ZNF766: variants seen among roughly 807,000 people sequenced by gnomAD.
The protein encoded by ZNF766 is zinc finger protein 766.
ZNF766 carries 13 observed loss-of-function variants against 13.2 expected under a neutral mutation model. The ratio of observed to expected loss-of-function variants is 0.98; its 90% CI spans 0.64 to 1.56. The LOEUF is 1.56. Among genes scored for constraint, ZNF766 ranks in the 40% most tolerant of loss-of-function variants. ZNF766 has a pLI of 0.00. For synonymous variants in ZNF766, 178 were observed against 187.6 expected (o/e 0.95, Z 0.42); for missense variants, 521 against 552.2 (o/e 0.94, Z 0.57).
rs1364934342 is a variant in ZNF766 at position 52,295,857 on chromosome 19, T to A, written c.*4659T>A. 2 of 152,206 alleles carry A rather than the reference T, an allele frequency of 1.3e-5. No homozygotes were observed. Among genetic ancestry groups the A allele is most frequent in the Admixed American group, 6.5e-5 (1 of 15,292 alleles). The allele number at this position is 152,206 out of a possible 1,614,324, so 9.4% of individuals were successfully genotyped here. On this transcript the variant is annotated 3_prime_UTR_variant, in exon 4 of 4. Transcript: ENST00000439461. ...CTTTTTTTTCAGATGTTTGAGCTAT[T>A]CCAGGTTTTTTGGGATTTCTGTTGG...
At chr19:52,276,327 A>G (rs1042050070) in intron 1 of ZNF766, among the ~76,000 whole-genome samples, 1 of 152,166 alleles carries the variant, frequency 6.6e-6, no homozygotes, top group Admixed American at 6.5e-5. Context: ...TGCTTGTTAT[A>G]CTGGGTTGTT....
chr19:52,273,142 G>C (rs543698933), intron 1 of ZNF766, among the ~76,000 whole-genome samples: 2 of 152,136 alleles, frequency 1.3e-5, no homozygotes, highest in East Asian at 3.9e-4. Context: ...CCAAGTAGCT[G>C]GGACTACAGG....
At chr19:52,283,561 C>G in intron 3 of ZNF766, 148 bp downstream of exon 3, 2 of 1,086,682 alleles carry the variant, frequency 1.8e-6, no homozygotes, top group South Asian at 3.8e-5. Context: ...CTTTGGCCTC[C>G]CAAAGTGATG....
rs1180829001 is a variant in ZNF766 at position 52,293,027 on chromosome 19, C to A, written c.*1829C>A. On this transcript the variant is annotated 3_prime_UTR_variant, in exon 4 of 4. Coordinates refer to ENST00000439461, the MANE Select transcript of ZNF766 (RefSeq NM_001010851.3). ...TACCCGCCTTGTGTCCAGGTGTTCT[C>A]ATTGATCAATTCCCACCTATGAGTG... 6.6e-6 allele frequency: 1 copy of A among 152,068 alleles called. No individual in the cohort carries two copies. Among genetic ancestry groups the A allele is most frequent in the African/African-American group, 2.4e-5 (1 of 41,378 alleles). The allele number at this position is 152,068 out of a possible 1,614,324, so 9.4% of individuals were successfully genotyped here.
intron 1 of ZNF766, chr19:52,277,181 C>G: frequency 6.1e-6 from 7 of 1,145,382 alleles, no homozygotes; most frequent in Non-Finnish European, 6.5e-6. Flanking sequence ...TCATGTTGGC[C>G]GGGCGCGGGG....
At chr19:52,272,908 T>A (rs111781294) in intron 1 of ZNF766, among the ~76,000 whole-genome samples, 6,407 of 152,276 alleles carry the variant, frequency 0.042, 183 homozygotes, top group Non-Finnish European at 0.054. Context: ...TGCATTCCCC[T>A]GCAGTCCTGC....
At chr19:52,283,807 A>C (rs955550300) in intron 3 of ZNF766, among the ~76,000 whole-genome samples, 1 of 152,150 alleles carries the variant, frequency 6.6e-6, no homozygotes, top group Non-Finnish European at 1.5e-5. Flanking sequence ...GCGTGATCTC[A>C]GCTCACTGCA....
chr19:52,280,886 G>A (rs1445537720), intron 1 of ZNF766, among the ~76,000 whole-genome samples: 1 of 150,324 alleles, frequency 6.7e-6, no homozygotes, highest in African/African-American at 2.4e-5. Context: ...GGCCGTGCGT[G>A]ATGGCTCACG....
At position 52,291,135 on chromosome 19, in the gene ZNF766, T is replaced by C. The variant is rs1442331554; in HGVS notation, c.1344T>C (p.Phe448=). The stretch of plus-strand genomic sequence containing the variant: ...AATGCCATGTGTGTGGTAAGGTCTT[T>C]AGGCACAGTTCATGGTTTGTACAGC... ...PYKCHVCGKV[F]RHSSWFVQHQ... is the part of the protein sequence containing the mutation. The change falls in exon 4 of 4, where the codon TTT becomes TTC. Residue 448 remains phenylalanine, a synonymous_variant. Transcript: ENST00000439461. 3.1e-6 allele frequency: 5 copies of C among 1,613,050 alleles called. No homozygotes were observed. Among genetic ancestry groups the C allele is most frequent in the East Asian group, 2.2e-5 (1 of 44,878 alleles).
At chr19:52,269,775 T>C (rs1373456354) in intron 1 of ZNF766, 144 bp downstream of exon 1, 1 of 1,152,982 alleles carries the variant, frequency 8.7e-7, no homozygotes, top group Non-Finnish European at 1.2e-6. Flanking sequence ...CGTCAGAGTG[T>C]TAAAATCGCC....
intron 1 of ZNF766, chr19:52,281,652 T>G (rs41497444): frequency 0.08 from 31,084 of 386,884 alleles, 1,874 homozygotes; most frequent in East Asian, 0.22. Context: ...GTCCATGAAC[T>G]TAACTTTACT....
At position 52,290,371 on chromosome 19, in the gene ZNF766, A is replaced by G. The variant is rs1278454913; in HGVS notation, c.580A>G (p.Lys194Glu). The part of the protein sequence containing the change: ...RKPYECNEQG[K>E]VFRVSSSLPN... ...ACCTTACGAATGTAATGAGCAGGGC[A>G]AAGTCTTCAGAGTGTCTTCAAGCCT... Residue 194 changes from lysine (K) to glutamate (E), a missense_variant, in exon 4 of 4, where the codon AAA becomes GAA. Physicochemically the swap from Lys to Glu is moderately conservative, Grantham distance 56. Coordinates refer to ENST00000439461, the MANE Select transcript of ZNF766 (RefSeq NM_001010851.3). 6.2e-7 allele frequency: 1 copy of G among 1,614,100 alleles called. No individual in the cohort carries two copies. The highest frequency in any genetic ancestry group is 1.7e-5 in the Admixed American group (1 of 60,022).
chr19:52,277,208 C>G (rs183450932), intron 1 of ZNF766: 2 of 1,199,922 alleles, frequency 1.7e-6, no homozygotes, highest in Non-Finnish European at 2.1e-6. Context: ...ACCTGTAATC[C>G]CGGCACTTTG....
chr19:52,277,560 T>G, intron 1 of ZNF766: 1 of 1,556,264 alleles, frequency 6.4e-7, no homozygotes, highest in Non-Finnish European at 8.6e-7. Context: ...ATATTCTCAG[T>G]AGATTGTTCT....
intron 3 of ZNF766, chr19:52,288,218 AC>A: frequency 4.1e-6 from 1 of 241,996 alleles, no homozygotes; most frequent in South Asian, 3.7e-5. Context: ...ACGGGGCTTC[AC>A]CTTGTTGCCC....
At chr19:52,270,736 T>C (rs1372101104) in intron 1 of ZNF766, among the ~76,000 whole-genome samples, 1 of 151,052 alleles carries the variant, frequency 6.6e-6, no homozygotes, top group Non-Finnish European at 1.5e-5. Context: ...AATCAAAAGA[T>C]TGGAGAGAAA....
chr19:52,281,884 G>C, intron 1 of ZNF766: 1 of 556,898 alleles, frequency 1.8e-6, no homozygotes, highest in Non-Finnish European at 3.4e-6. Context: ...GGTAGATATT[G>C]AATGAAAAAT....
chr19:52,279,612 A>G (rs955678692), intron 1 of ZNF766, among the ~76,000 whole-genome samples: 4 of 152,020 alleles, frequency 2.6e-5, no homozygotes, highest in South Asian at 4.2e-4. Context: ...GTATAAGCCT[A>G]TAATTTGAGC....
chr19:52,286,523 G>A (rs532098003), intron 3 of ZNF766, among the ~76,000 whole-genome samples: 3 of 152,124 alleles, frequency 2.0e-5, no homozygotes, highest in East Asian at 1.9e-4. Context: ...CGATCCTCCC[G>A]CCTTGGCCTT....
Sources: gnomAD v4.1 joint callset for allele counts (sites outside exome capture counted in the v4.1 genomes callset) on GRCh38, gnomAD v4.1.1 for gene constraint, MANE v1.5 for transcripts, NCBI Gene and HGNC (gene_info 2026-07-23, HGNC 2026-07-21) for gene names.